The following NAALADL2 variants were observed in gnomAD, a reference collection of about 807,000 sequenced individuals.
NAALADL2 encodes inactive N-acetylated-alpha-linked acidic dipeptidase-like protein 2.
In NAALADL2, 76 loss-of-function variants were observed where a neutral mutation model predicts 87.2. The observed-to-expected ratio is 0.87, with a 90% CI of 0.72 to 1.05. NAALADL2 has a LOEUF of 1.05. Ranked by LOEUF, NAALADL2 falls within the 50% of genes least tolerant of loss-of-function variation. The probability of loss-of-function intolerance (pLI) is 0.00; values close to 1 mark genes in which losing one functional copy is unlikely to be tolerated. For missense variants in NAALADL2, 1,089 were observed against 945.8 expected (o/e 1.15, Z -1.99); for synonymous variants, 354 against 331.0 (o/e 1.07, Z -0.75).
chr3:175,766,010 T>C (rs1246619002), intron 13 of NAALADL2, among the ~76,000 whole-genome samples: 4 of 152,130 alleles, frequency 2.6e-5, no homozygotes, highest in Non-Finnish European at 4.4e-5. Context: ...CCTAGTTTGC[T>C]CAGAAATCAC....
chr3:174,919,355 C>T (rs969557751), intron 1 of NAALADL2, among the ~76,000 whole-genome samples: 2 of 152,160 alleles, frequency 1.3e-5, no homozygotes, highest in African/African-American at 4.8e-5. Flanking sequence ...CTTGCTACTG[C>T]TTTATAAATT....
At chr3:174,985,776 A>G (rs1025202687) in intron 1 of NAALADL2, among the ~76,000 whole-genome samples, 5 of 151,996 alleles carry the variant, frequency 3.3e-5, no homozygotes, top group Admixed American at 1.3e-4. Context: ...AACATGGAGA[A>G]ACCTCGTCTA....
intron 3 of NAALADL2, among the ~76,000 whole-genome samples, chr3:174,783,621 A>G (rs943878250): frequency 6.6e-6 from 1 of 152,002 alleles, no homozygotes; most frequent in Non-Finnish European, 1.5e-5. Flanking sequence ...GCTTTAATAT[A>G]TATATATTTT....
At chr3:175,098,408 T>G (rs1027755465) in intron 2 of NAALADL2, among the ~76,000 whole-genome samples, 3 of 152,122 alleles carry the variant, frequency 2.0e-5, no homozygotes, top group Non-Finnish European at 2.9e-5. Flanking sequence ...CAGGGGATAC[T>G]CAGGTAGCCC....
intron 5 of NAALADL2, among the ~76,000 whole-genome samples, chr3:175,371,265 T>C (rs1766447574): frequency 6.6e-6 from 1 of 151,790 alleles, no homozygotes. Flanking sequence ...TGGATGATAT[T>C]ATTATTATTA....
chr3:175,712,571 C>G (rs1472278398), intron 11 of NAALADL2, among the ~76,000 whole-genome samples: 2 of 152,010 alleles, frequency 1.3e-5, no homozygotes, highest in Non-Finnish European at 2.9e-5. Flanking sequence ...CTCTCTGGCC[C>G]AGCAGGAAGG....
intron 2 of NAALADL2, among the ~76,000 whole-genome samples, chr3:174,627,152 A>G (rs927859492): frequency 6.6e-6 from 1 of 152,150 alleles, no homozygotes; most frequent in African/African-American, 2.4e-5. Context: ...TCTGTAGTAT[A>G]ATAGTATTTT....
chr3:174,499,059 C>G (rs1718724563), intron 1 of NAALADL2, among the ~76,000 whole-genome samples: 1 of 151,916 alleles, frequency 6.6e-6, no homozygotes, highest in African/African-American at 2.4e-5. Flanking sequence ...TTGTTAATCT[C>G]TGACTGTGTC....
chr3:174,828,284 T>TC (rs1722225779), intron 3 of NAALADL2, among the ~76,000 whole-genome samples: 1 of 152,236 alleles, frequency 6.6e-6, no homozygotes, highest in South Asian at 2.1e-4. Context: ...TTCACTTCTT[T>TC]CCCCAAATGT....
At chr3:174,670,601 A>G (rs1287547493) in intron 2 of NAALADL2, among the ~76,000 whole-genome samples, 1 of 152,074 alleles carries the variant, frequency 6.6e-6, no homozygotes, top group Non-Finnish European at 1.5e-5. Context: ...CAATATTTCT[A>G]TTTAAGAAGA....
At chr3:175,244,695 G>C (rs539597838) in intron 3 of NAALADL2, among the ~76,000 whole-genome samples, 1 of 152,092 alleles carries the variant, frequency 6.6e-6, no homozygotes, top group Non-Finnish European at 1.5e-5. Flanking sequence ...TTCCTTCAAG[G>C]ACTATGTACT....
At chr3:174,920,807 A>G (rs1480256999) in intron 1 of NAALADL2, among the ~76,000 whole-genome samples, 1 of 152,194 alleles carries the variant, frequency 6.6e-6, no homozygotes, top group Non-Finnish European at 1.5e-5. Flanking sequence ...AAAGTAAGAT[A>G]TATGTTACTC....
chr3:174,910,318 C>T (rs570765338), intron 1 of NAALADL2, among the ~76,000 whole-genome samples: 48 of 152,050 alleles, frequency 3.2e-4, no homozygotes, highest in Non-Finnish European at 6.3e-4. Flanking sequence ...GTGTGTATAA[C>T]TATATATTTT....
chr3:175,203,194 A>C (rs1740324623), intron 2 of NAALADL2, among the ~76,000 whole-genome samples: 1 of 151,974 alleles, frequency 6.6e-6, no homozygotes, highest in Non-Finnish European at 1.5e-5. Context: ...CTGGAGATTA[A>C]CTTCTCCCTG....
rs935181399 is a variant in NAALADL2, at chr3:175,500,409, G to A, written c.1653+28651G>A. Among the ~76,000 whole-genome samples, 5 of 151,962 alleles carry A rather than the reference G, an allele frequency of 3.3e-5. No individual in the cohort carries two copies. In the Admixed American group the frequency reaches 3.3e-4, roughly 10 times the overall value. On this transcript the variant is annotated intron_variant, in intron 9 of 13. Coordinates refer to ENST00000454872, the MANE Select transcript of NAALADL2 (RefSeq NM_207015.3). ...CAATAGTAGGCAAAAAGGCACAGAA[G>A]TAGAAACATGGATAAGGGCCTTCTT...
intron 1 of NAALADL2, among the ~76,000 whole-genome samples, chr3:174,501,006 G>A (rs1324413912): frequency 1.3e-5 from 2 of 148,516 alleles, no homozygotes; most frequent in East Asian, 4.1e-4. Context: ...ATAGGCGCCC[G>A]CCACCATGCC....
At chr3:174,813,408 G>A (rs1028356386) in intron 3 of NAALADL2, among the ~76,000 whole-genome samples, 1 of 151,856 alleles carries the variant, frequency 6.6e-6, no homozygotes, top group Non-Finnish European at 1.5e-5. Context: ...CCTTTTCTAT[G>A]TTTAGACACA....
chr3:175,429,278 C>T (rs1022613772), intron 5 of NAALADL2, among the ~76,000 whole-genome samples: 16 of 150,458 alleles, frequency 1.1e-4, no homozygotes, highest in Non-Finnish European at 2.2e-4. Flanking sequence ...TCAGATACGC[C>T]CTGGGGAGAG....
intron 1 of NAALADL2, among the ~76,000 whole-genome samples, chr3:174,870,851 G>A (rs1046465702): frequency 1.4e-4 from 22 of 152,068 alleles, no homozygotes; most frequent in Admixed American, 1.2e-3. Flanking sequence ...TTTTATAGCT[G>A]ATGTATCTGC....
Sources: gnomAD v4.1 joint callset for allele counts (sites outside exome capture counted in the v4.1 genomes callset) on GRCh38, gnomAD v4.1.1 for gene constraint, MANE v1.5 for transcripts, NCBI Gene and HGNC (gene_info 2026-07-23, HGNC 2026-07-21) for gene names.